Variants in ADGRB3 observed in about 807,000 individuals in gnomAD.
The protein encoded by ADGRB3 is adhesion G protein-coupled receptor B3.
ADGRB3 carries 37 observed loss-of-function variants against 193.4 expected under a neutral mutation model. The observed-to-expected ratio is 0.19, with a 90% CI of 0.15 to 0.25. ADGRB3 has a LOEUF of 0.25. Among genes scored for constraint, ADGRB3 ranks in the 10% least tolerant of loss-of-function variants. The probability of loss-of-function intolerance (pLI) is 1.00; values close to 1 mark genes in which losing one functional copy is unlikely to be tolerated. For missense variants in ADGRB3, 1,637 were observed against 1,852.9 expected, an observed-to-expected ratio of 0.88 and a Z score of 2.14; for synonymous variants, 690 against 644.2, an observed-to-expected ratio of 1.07 and a Z score of -1.08.
intron 17 of ADGRB3, among the ~76,000 whole-genome samples, chr6:69,141,128 TG>T (rs1554153879): frequency 8.2e-6 from 1 of 121,474 alleles, no homozygotes; most frequent in African/African-American, 3.0e-5. Flanking sequence ...TCTTTTTTTT[TG>T]GGGGGGGCGG....
intron 3 of ADGRB3, among the ~76,000 whole-genome samples, chr6:68,639,733 G>T (rs534116955): frequency 1.3e-5 from 2 of 151,962 alleles, no homozygotes; most frequent in South Asian, 4.2e-4. Flanking sequence ...GAGGGAGAGG[G>T]GTTTCTTTAT....
chr6:68,700,357 AC>A (rs1210604992), intron 3 of ADGRB3, among the ~76,000 whole-genome samples: 4 of 151,912 alleles, frequency 2.6e-5, no homozygotes, highest in Non-Finnish European at 4.4e-5. Context: ...TTTTCAAAAC[AC>A]CTTTTTTTTT....
intron 3 of ADGRB3, among the ~76,000 whole-genome samples, chr6:68,915,585 C>T (rs922998943): frequency 6.6e-6 from 1 of 152,076 alleles, no homozygotes; most frequent in Non-Finnish European, 1.5e-5. Context: ...AGTGTTGTTG[C>T]GTAGACAGGA....
chr6:69,050,481 A>G (rs1374414877), intron 15 of ADGRB3, among the ~76,000 whole-genome samples: 5 of 152,168 alleles, frequency 3.3e-5, no homozygotes, highest in African/African-American at 1.2e-4. Context: ...AAAAGTTTGA[A>G]AACAAAAAAG....
intron 3 of ADGRB3, among the ~76,000 whole-genome samples, chr6:68,742,265 A>C (rs1261892421): frequency 2.0e-5 from 3 of 152,178 alleles, no homozygotes; most frequent in Admixed American, 6.5e-5. Flanking sequence ...TAATTCTTCC[A>C]GTTCTCATTA....
At position 69,388,761 on chromosome 6, in the gene ADGRB3, C is replaced by T. The variant is rs761863915; in HGVS notation, c.4439C>T (p.Pro1480Leu). The change falls in exon 32 of 32, where the codon CCG becomes CTG. Residue 1480 changes from proline (P) to leucine (L), a missense_variant. By Grantham distance (98) the Pro-to-Leu change is moderately conservative. Coordinates refer to ENST00000370598, the MANE Select transcript of ADGRB3 (RefSeq NM_001704.3). Reference protein sequence around the residue: ...WDTFKNPSEYPHYTTINVLDT... With the variant: ...WDTFKNPSEYLHYTTINVLDT... ...ACTTTCAAAAACCCCAGTGAATACC[C>T]GCATTACACCACAATCAATGTCTTA... The T allele has an allele frequency of 6.2e-5, 100 of 1,613,314 alleles. No homozygotes were observed. The highest frequency in any genetic ancestry group is 1.5e-4 in the Admixed American group (9 of 59,890).
intron 17 of ADGRB3, among the ~76,000 whole-genome samples, chr6:69,201,674 T>A (rs1765419482): frequency 6.6e-6 from 1 of 152,144 alleles, no homozygotes; most frequent in African/African-American, 2.4e-5. Flanking sequence ...CTCTCTTGTC[T>A]GTTCCAGGAT....
intron 13 of ADGRB3, among the ~76,000 whole-genome samples, chr6:69,045,571 T>G (rs1004625583): frequency 2.6e-5 from 4 of 152,096 alleles, no homozygotes; most frequent in African/African-American, 9.7e-5. Flanking sequence ...TTAGCTCAAA[T>G]TAGCTATACC....
chr6:68,777,696 T>C (rs1032980308), intron 3 of ADGRB3, among the ~76,000 whole-genome samples: 43 of 143,054 alleles, frequency 3.0e-4, no homozygotes, highest in African/African-American at 1.1e-3. Flanking sequence ...AAACGACTAC[T>C]AAACATGAGC....
At chr6:68,639,777 G>A (rs1768039498) in intron 3 of ADGRB3, among the ~76,000 whole-genome samples, 1 of 151,952 alleles carries the variant, frequency 6.6e-6, no homozygotes, top group Non-Finnish European at 1.5e-5. Context: ...ACACACACAC[G>A]CCCCACATGT....
intron 3 of ADGRB3, among the ~76,000 whole-genome samples, chr6:68,710,626 G>A (rs1345395213): frequency 1.3e-5 from 2 of 152,126 alleles, no homozygotes; most frequent in Non-Finnish European, 2.9e-5. Flanking sequence ...ACTGGAATCA[G>A]TACCAATGCA....
intron 28 of ADGRB3, among the ~76,000 whole-genome samples, chr6:69,359,820 A>G (rs1769414369): frequency 6.6e-6 from 1 of 151,898 alleles, no homozygotes; most frequent in Non-Finnish European, 1.5e-5. Context: ...CCAACTTCGC[A>G]CAGCGCTATT....
intron 3 of ADGRB3, among the ~76,000 whole-genome samples, chr6:68,789,299 A>T (rs1373292400): frequency 8.6e-5 from 13 of 151,930 alleles, no homozygotes; most frequent in African/African-American, 2.9e-4. Flanking sequence ...GTACCAGTTG[A>T]TCCTTTCCAT....
intron 3 of ADGRB3, among the ~76,000 whole-genome samples, chr6:68,850,035 C>A (rs1768365670): frequency 6.8e-6 from 1 of 147,838 alleles, no homozygotes; most frequent in Non-Finnish European, 1.5e-5. Flanking sequence ...AGTGGTATTA[C>A]CACTTTTACA....
intron 3 of ADGRB3, among the ~76,000 whole-genome samples, chr6:68,928,097 T>G (rs550947273): frequency 5.3e-5 from 8 of 152,280 alleles, no homozygotes; most frequent in African/African-American, 1.9e-4. Flanking sequence ...TTACACATAT[T>G]TTAAGAGATG....
chr6:69,006,652 T>C (rs1000530146), intron 11 of ADGRB3, among the ~76,000 whole-genome samples: 25 of 151,904 alleles, frequency 1.6e-4, no homozygotes, highest in African/African-American at 5.6e-4. Flanking sequence ...ATTATAGGTG[T>C]GCACCACCAT....
chr6:68,659,125 AT>A (rs1175618356), intron 3 of ADGRB3, among the ~76,000 whole-genome samples: 1 of 151,106 alleles, frequency 6.6e-6, no homozygotes, highest in Non-Finnish European at 1.5e-5. Flanking sequence ...TTAGAAAAAA[AT>A]AAATCCTGAT....
chr6:68,893,294 A>G (rs562558956), intron 3 of ADGRB3, among the ~76,000 whole-genome samples: 6 of 152,154 alleles, frequency 3.9e-5, no homozygotes, highest in African/African-American at 1.4e-4. Context: ...TGCTTTCATT[A>G]CCTAAGTAAG....
At chr6:69,108,376 G>A (rs1773273146) in intron 17 of ADGRB3, among the ~76,000 whole-genome samples, 1 of 140,152 alleles carries the variant, frequency 7.1e-6, no homozygotes, top group Admixed American at 7.9e-5. Context: ...AAATGGCATG[G>A]CAAGCTTCTT....
Sources: gnomAD v4.1 joint callset for allele counts (sites outside exome capture counted in the v4.1 genomes callset) on GRCh38, gnomAD v4.1.1 for gene constraint, MANE v1.5 for transcripts, NCBI Gene and HGNC (gene_info 2026-07-23, HGNC 2026-07-21) for gene names.